PLD5: variants seen among roughly 807,000 people sequenced by gnomAD.
PLD5 encodes phospholipase D family member 5, also known as inactive phospholipase D5.
PLD5 carries 36 observed loss-of-function variants against 61.1 expected under a neutral mutation model. The ratio of observed to expected loss-of-function variants is 0.59; its 90% CI spans 0.45 to 0.78. The LOEUF (loss-of-function observed/expected upper bound fraction) is 0.78. Ranked by LOEUF, PLD5 falls within the 30% of genes least tolerant of loss-of-function variation. The probability of loss-of-function intolerance (pLI) is 0.00; values close to 1 mark genes in which losing one functional copy is unlikely to be tolerated. For missense variants in PLD5, 515 were observed against 644.4 expected (o/e 0.80, Z 2.17); for synonymous variants, 243 against 242.8 (o/e 1.00, Z -0.01).
At chr1:242,128,844 G>A (rs968455011) in intron 5 of PLD5, among the ~76,000 whole-genome samples, 9 of 152,130 alleles carry the variant, frequency 5.9e-5, no homozygotes, top group East Asian at 3.9e-4. Context: ...TCCTCCATCC[G>A]AAGATTGGTA....
intron 4 of PLD5, among the ~76,000 whole-genome samples, chr1:242,261,260 C>T (rs762352425): frequency 1.1e-4 from 17 of 152,302 alleles, no homozygotes; most frequent in East Asian, 5.8e-4. Context: ...ATGCCTCGAA[C>T]ATGCAGTGAA....
chr1:242,102,013 C>T (rs952696166), intron 8 of PLD5, among the ~76,000 whole-genome samples: 10 of 152,308 alleles, frequency 6.6e-5, no homozygotes, highest in Admixed American at 5.2e-4. Context: ...TCCTCAGTTC[C>T]TGTCTTCTGT....
At chr1:242,231,525 C>T (rs1282419578) in intron 4 of PLD5, among the ~76,000 whole-genome samples, 2 of 152,156 alleles carry the variant, frequency 1.3e-5, no homozygotes, top group African/African-American at 4.8e-5. Context: ...GATGACAAAC[C>T]TACTCATATT....
intron 4 of PLD5, among the ~76,000 whole-genome samples, chr1:242,261,735 G>T (rs1039603206): frequency 2.6e-5 from 4 of 152,138 alleles, no homozygotes; most frequent in African/African-American, 9.7e-5. Context: ...CATATGAGAA[G>T]ATGCTCAATA....
At chr1:242,510,359 T>C (rs77964798) in intron 1 of PLD5, among the ~76,000 whole-genome samples, 3,770 of 152,252 alleles carry the variant, frequency 0.025, 52 homozygotes, top group African/African-American at 0.031. Flanking sequence ...TAACAATATC[T>C]GTATGTACAA....
At chr1:242,456,177 C>T (rs1666938826) in intron 1 of PLD5, among the ~76,000 whole-genome samples, 1 of 152,212 alleles carries the variant, frequency 6.6e-6, no homozygotes, top group Non-Finnish European at 1.5e-5. Context: ...CTCCGCCTTG[C>T]AATCAAAAGC....
rs748130313 is a variant in PLD5 at position 242,107,796 on chromosome 1, C to T, written c.1114G>A (p.Val372Ile). Residue 372 changes from valine to isoleucine, a missense_variant, in exon 8 of 10, where the codon GTT (valine) becomes ATT (isoleucine). Coordinates refer to ENST00000536534, the MANE Select transcript of PLD5 (RefSeq NM_001372062.1). ...DLDAKIREAL[V>I]LRSVRVRLLL... ...AGTCGAACTCTAACGCTTCGTAAAA[C>T]TAATGCTTCTCTTATTTTTGCATCC... is the stretch of plus-strand genomic sequence containing the variant. 23 of 1,610,506 alleles carry T rather than the reference C, an allele frequency of 1.4e-5. 1 individual carries two copies. The South Asian group carries it at 2.6e-4, about 18-fold the overall frequency.
chr1:242,230,473 A>T (rs433675), intron 4 of PLD5, among the ~76,000 whole-genome samples: 126,269 of 152,148 alleles, frequency 0.83, 52,749 homozygotes, highest in African/African-American at 0.92. Context: ...TTCTTCTGAA[A>T]ATATTAATTT....
chr1:242,221,791 C>G (rs1196980515), intron 4 of PLD5, among the ~76,000 whole-genome samples: 1 of 152,120 alleles, frequency 6.6e-6, no homozygotes, highest in Non-Finnish European at 1.5e-5. Context: ...TGGAGAGACC[C>G]AAATCTGCAT....
chr1:242,414,938 G>A (rs912162377), intron 1 of PLD5, among the ~76,000 whole-genome samples: 3 of 152,170 alleles, frequency 2.0e-5, no homozygotes, highest in African/African-American at 7.2e-5. Flanking sequence ...ATAGAAAAAT[G>A]CACTGAAGAA....
At chr1:242,486,140 A>G (rs1027923524) in intron 1 of PLD5, among the ~76,000 whole-genome samples, 1 of 152,152 alleles carries the variant, frequency 6.6e-6, no homozygotes, top group African/African-American at 2.4e-5. Context: ...AATACCATTC[A>G]GGACATAGGC....
At chr1:242,495,676 AT>A (rs1668347477) in intron 1 of PLD5, among the ~76,000 whole-genome samples, 1 of 152,166 alleles carries the variant, frequency 6.6e-6, no homozygotes, top group Non-Finnish European at 1.5e-5. Flanking sequence ...GAGAGAAGAG[AT>A]CTAGGGAACA....
chr1:242,284,554 G>A (rs1674913734), intron 3 of PLD5, among the ~76,000 whole-genome samples: 1 of 152,208 alleles, frequency 6.6e-6, no homozygotes, highest in African/African-American at 2.4e-5. Context: ...GGGGCAAGGT[G>A]AGAGGGAGCC....
At chr1:242,526,213 G>A (rs1669441541), upstream of PLD5, among the ~76,000 whole-genome samples, 2 of 152,160 alleles carry the variant, frequency 1.3e-5, no homozygotes, top group Non-Finnish European at 2.9e-5. Context: ...GACCAGCCTG[G>A]GCCTACACTA....
chr1:242,510,410 C>T (rs1668866947), intron 1 of PLD5, among the ~76,000 whole-genome samples: 1 of 152,192 alleles, frequency 6.6e-6, no homozygotes, highest in African/African-American at 2.4e-5. Flanking sequence ...CACATACACA[C>T]ACACTATATT....
At chr1:242,464,048 A>G (rs1029180983) in intron 1 of PLD5, among the ~76,000 whole-genome samples, 3 of 152,216 alleles carry the variant, frequency 2.0e-5, no homozygotes, top group East Asian at 1.9e-4. Flanking sequence ...CCAAACCCCA[A>G]TTCTCGATTT....
At chr1:242,131,951 C>T (rs929366444) in intron 5 of PLD5, among the ~76,000 whole-genome samples, 6 of 150,758 alleles carry the variant, frequency 4.0e-5, no homozygotes, top group Admixed American at 2.0e-4. Context: ...TCTCCTGCCT[C>T]AGCCTCCCGA....
chr1:242,214,297 T>C (rs1670006436), intron 5 of PLD5, among the ~76,000 whole-genome samples: 2 of 152,342 alleles, frequency 1.3e-5, no homozygotes, highest in South Asian at 4.1e-4. Context: ...GCACTGATAC[T>C]GGCTGTGGAG....
intron 1 of PLD5, among the ~76,000 whole-genome samples, chr1:242,403,830 T>C (rs1283983404): frequency 1.3e-5 from 2 of 152,118 alleles, no homozygotes; most frequent in Non-Finnish European, 2.9e-5. Flanking sequence ...TGGAAGGGCT[T>C]TTCCTCCTTT....
Sources: allele counts gnomAD v4.1 joint callset (sites outside exome capture counted in the v4.1 genomes callset), GRCh38; gene constraint gnomAD v4.1.1; transcripts MANE v1.5; gene names NCBI Gene and HGNC (gene_info 2026-07-23, HGNC 2026-07-21).